Variants in MIB1 observed in about 807,000 individuals in gnomAD.
MIB1 encodes the protein E3 ubiquitin-protein ligase MIB1.
A neutral mutation model predicts 124.5 loss-of-function variants in MIB1; 278 were observed. That is an observed-to-expected ratio of 2.23 (90% confidence interval 2.02 to 2.47). MIB1 has a LOEUF of 2.47. Among genes scored for constraint, MIB1 ranks in the 30% most tolerant of loss-of-function variants. The pLI, the probability that MIB1 is intolerant of heterozygous loss-of-function variation, is 0.00. For missense variants in MIB1, 957 were observed against 1,254.4 expected (o/e 0.76, Z 3.58); for synonymous variants, 446 against 429.4 (o/e 1.04, Z -0.48).
intron 4 of MIB1, among the ~76,000 whole-genome samples, chr18:21,776,976 C>CA (rs1015805536): frequency 7.8e-4 from 105 of 134,654 alleles, no homozygotes; most frequent in Middle Eastern, 4.5e-3. Flanking sequence ...GACTCCATCT[C>CA]AAAAAAAAAA....
chr18:21,824,866 G>T (rs114599227), intron 12 of MIB1, among the ~76,000 whole-genome samples: 2 of 152,072 alleles, frequency 1.3e-5, no homozygotes, highest in African/African-American at 4.8e-5. Context: ...AAATTATACG[G>T]ATGTTAGAGT....
intron 10 of MIB1, among the ~76,000 whole-genome samples, chr18:21,806,901 G>A (rs894726119): frequency 3.3e-5 from 5 of 152,172 alleles, no homozygotes; most frequent in Admixed American, 6.5e-5. Context: ...GATTACAGGC[G>A]TGAGCCACCG....
chr18:21,811,201 A>G (rs553372815), intron 10 of MIB1, among the ~76,000 whole-genome samples: 1 of 152,304 alleles, frequency 6.6e-6, no homozygotes, highest in Admixed American at 6.5e-5. Flanking sequence ...GGTGGCTGTT[A>G]TCAAAACAAC....
At chr18:21,796,920 CTT>C (rs1448958181) in intron 7 of MIB1, among the ~76,000 whole-genome samples, 2 of 152,084 alleles carry the variant, frequency 1.3e-5, no homozygotes, top group Non-Finnish European at 2.9e-5. Flanking sequence ...TGGTAAGAAA[CTT>C]TGTAAGATAA....
intron 12 of MIB1, among the ~76,000 whole-genome samples, chr18:21,829,848 G>A (rs1003659130): frequency 6.6e-6 from 1 of 152,002 alleles, no homozygotes; most frequent in Non-Finnish European, 1.5e-5. Context: ...TAGTATAAAG[G>A]ATAACTGTCA....
chr18:21,722,050 CGT>C (rs148332940), intron 1 of MIB1, among the ~76,000 whole-genome samples: 4 of 150,786 alleles, frequency 2.7e-5, no homozygotes, highest in Admixed American at 6.6e-5. Flanking sequence ...TTAATCTTTC[CGT>C]GTGTGTGTGT....
intron 1 of MIB1, among the ~76,000 whole-genome samples, chr18:21,732,223 G>A (rs960241732): frequency 6.6e-6 from 1 of 151,886 alleles, no homozygotes; most frequent in African/African-American, 2.4e-5. Context: ...AGCTACTAGG[G>A]AGGCTGAGGC....
intron 18 of MIB1, among the ~76,000 whole-genome samples, chr18:21,855,311 T>C (rs1271182969): frequency 6.6e-6 from 1 of 152,212 alleles, no homozygotes; most frequent in Non-Finnish European, 1.5e-5. Context: ...TGAAAGTGCC[T>C]TGGCAAGCCA....
At chr18:21,809,865 C>T (rs948796008) in intron 10 of MIB1, among the ~76,000 whole-genome samples, 2 of 152,030 alleles carry the variant, frequency 1.3e-5, no homozygotes, top group African/African-American at 4.8e-5. Context: ...TTTACCAGTT[C>T]TATTTAACAG....
chr18:21,740,368 C>A (rs549937451), upstream of MIB1, among the ~76,000 whole-genome samples: 1 of 152,324 alleles, frequency 6.6e-6, no homozygotes, highest in South Asian at 2.1e-4. Context: ...ACATTCCATA[C>A]CATGCTGTTC....
chr18:21,748,735 T>C (rs909322470), intron 1 of MIB1, among the ~76,000 whole-genome samples: 2 of 146,682 alleles, frequency 1.4e-5, no homozygotes, highest in Non-Finnish European at 3.0e-5. Context: ...CCAGCCTTTT[T>C]TTTTTTTTTT....
intron 1 of MIB1, among the ~76,000 whole-genome samples, chr18:21,718,287 G>A (rs926875201): frequency 6.6e-6 from 1 of 152,180 alleles, no homozygotes; most frequent in African/African-American, 2.4e-5. Flanking sequence ...ATTGGGTGCA[G>A]TGTATACTGC....
chr18:21,849,071 A>G (rs1385484274), intron 16 of MIB1, 125 bp from the exon 17 acceptor site: 1 of 610,514 alleles, frequency 1.6e-6, no homozygotes, highest in Non-Finnish European at 2.7e-6. Flanking sequence ...ACAGATGTTA[A>G]AGCTTAATTT....
chr18:21,731,604 C>T (rs1308922350), intron 1 of MIB1, among the ~76,000 whole-genome samples: 1 of 151,934 alleles, frequency 6.6e-6, no homozygotes, highest in African/African-American at 2.4e-5. Flanking sequence ...TGGTGGCGGG[C>T]ACCTGTAGTC....
At chr18:21,815,856 T>A (rs754689538) in intron 11 of MIB1, 43 bp downstream of exon 11, 1 of 1,554,270 alleles carries the variant, frequency 6.4e-7, no homozygotes, top group East Asian at 2.2e-5. Context: ...ATTGCTAGGA[T>A]CCTATTAAAG....
At position 21,778,170 on chromosome 18, in the gene MIB1, G is replaced by A. The variant is rs145220259; in HGVS notation, c.703+1G>A. On this transcript the variant is annotated splice_donor_variant, in intron 5 of 20. Coordinates refer to ENST00000261537, the MANE Select transcript of MIB1 (RefSeq NM_020774.4). LOFTEE classifies it high-confidence loss of function. ...TACAGAGATCACTGCCCTGTGCTAG[G>A]TGAGTGAGAAGATTAGAGAGTATTA... 2 of 1,594,602 alleles carry A rather than the reference G, an allele frequency of 1.3e-6. No individual in the cohort carries two copies. Among genetic ancestry groups the A allele is most frequent in the Non-Finnish European group, 1.7e-6 (2 of 1,162,958 alleles).
chr18:21,797,181 T>A (rs1213382416), intron 7 of MIB1, among the ~76,000 whole-genome samples: 1 of 152,114 alleles, frequency 6.6e-6, no homozygotes, highest in East Asian at 1.9e-4. Context: ...GTTCTTATTG[T>A]TTGGAGGTAC....
At chr18:21,711,609 G>A (rs1196910373) in intron 1 of MIB1, among the ~76,000 whole-genome samples, 1 of 151,212 alleles carries the variant, frequency 6.6e-6, no homozygotes. Context: ...ATCCACCCCA[G>A]CAATCTAACT....
chr18:21,730,860 C>G (rs2040766111), intron 1 of MIB1, among the ~76,000 whole-genome samples: 2 of 152,238 alleles, frequency 1.3e-5, no homozygotes, highest in Admixed American at 1.3e-4. Context: ...TAAATTTCAA[C>G]AGTCTTGCAG....
Sources: allele counts gnomAD v4.1 joint callset (sites outside exome capture counted in the v4.1 genomes callset), GRCh38; gene constraint gnomAD v4.1.1; transcripts MANE v1.5; gene names NCBI Gene and HGNC (gene_info 2026-07-23, HGNC 2026-07-21).